The following MAGI2 variants were observed in gnomAD, a reference collection of about 807,000 sequenced individuals.
MAGI2 encodes membrane-associated guanylate kinase, WW and PDZ domain-containing protein 2.
MAGI2 carries 35 observed loss-of-function variants against 133.3 expected under a neutral mutation model. That is an observed-to-expected ratio of 0.26 (90% CI 0.20 to 0.35). The LOEUF is 0.35. Among genes scored for constraint, MAGI2 ranks in the 10% least tolerant of loss-of-function variants. MAGI2 has a pLI of 1.00. For synonymous variants in MAGI2, 729 were observed against 710.6 expected, an observed-to-expected ratio of 1.03 and a Z score of -0.41; for missense variants, 1,636 against 1,863.4, an observed-to-expected ratio of 0.88 and a Z score of 2.25.
chr7:78,053,385 G>A (rs1348985612), intron 21 of MAGI2, among the ~76,000 whole-genome samples: 1 of 152,352 alleles, frequency 6.6e-6, no homozygotes, highest in East Asian at 1.9e-4. Context: ...GTCTGAGGGT[G>A]CAGGGAATTC....
intron 6 of MAGI2, among the ~76,000 whole-genome samples, chr7:78,418,685 CCTT>C (rs1308041216): frequency 2.0e-5 from 3 of 152,094 alleles, no homozygotes; most frequent in Admixed American, 6.6e-5. Context: ...AAACCAATCT[CCTT>C]CTTTAGGGAA....
rs1804193793 is a variant in MAGI2 at position 78,975,820 on chromosome 7, A to C, written c.418+31270T>G. ...AGATGATACAAATGGTCAATATCAGAAATGAAAGAAGTTTCTTTACTACTG... is the reference window on the plus strand; with the variant it reads ...AGATGATACAAATGGTCAATATCAGCAATGAAAGAAGTTTCTTTACTACTG... On this transcript the variant is annotated intron_variant, in intron 2 of 21. Transcript: ENST00000354212. 3.3e-5 allele frequency among the ~76,000 whole-genome samples: 5 copies of C among 151,638 alleles called. No homozygotes were observed. The Admixed American group carries it at 3.3e-4, about 10-fold the overall frequency.
At chr7:78,727,258 AAGAG>A (rs1249849493) in intron 2 of MAGI2, among the ~76,000 whole-genome samples, 4 of 151,714 alleles carry the variant, frequency 2.6e-5, no homozygotes, top group Non-Finnish European at 5.9e-5. Flanking sequence ...TGTGGTATGG[AAGAG>A]AGAGAGAGAG....
chr7:78,994,452 C>T (rs2116371894), intron 2 of MAGI2, among the ~76,000 whole-genome samples: 1 of 152,140 alleles, frequency 6.6e-6, no homozygotes, highest in South Asian at 2.1e-4. Context: ...TCTTATTTAA[C>T]CCACTACCAT....
chr7:78,371,244 A>T (rs928996003), intron 6 of MAGI2, among the ~76,000 whole-genome samples: 2 of 151,976 alleles, frequency 1.3e-5, no homozygotes, highest in African/African-American at 4.8e-5. Flanking sequence ...TGCCTTTTAT[A>T]AACAGCTCAT....
chr7:78,968,721 T>C (rs1243423978), intron 2 of MAGI2, among the ~76,000 whole-genome samples: 3 of 152,074 alleles, frequency 2.0e-5, no homozygotes, highest in East Asian at 1.9e-4. Flanking sequence ...GAGATCCCCA[T>C]ACATAAAATT....
intron 1 of MAGI2, among the ~76,000 whole-genome samples, chr7:79,053,106 G>C (rs1055608054): frequency 6.6e-6 from 1 of 151,998 alleles, no homozygotes; most frequent in Non-Finnish European, 1.5e-5. Flanking sequence ...CCGAGTAGCT[G>C]GGACTACAGA....
intron 2 of MAGI2, among the ~76,000 whole-genome samples, chr7:79,005,974 T>C (rs1448202132): frequency 6.6e-6 from 1 of 152,182 alleles, no homozygotes; most frequent in Non-Finnish European, 1.5e-5. Flanking sequence ...AATGGTGTCC[T>C]GGCATTGTCG....
chr7:78,385,874 A>T (rs778372122), intron 6 of MAGI2, among the ~76,000 whole-genome samples: 2 of 152,224 alleles, frequency 1.3e-5, no homozygotes, highest in Non-Finnish European at 2.9e-5. Flanking sequence ...ATTAACACAC[A>T]TTGTAGTGGG....
chr7:78,054,183 T>C (rs1444705695), intron 21 of MAGI2, among the ~76,000 whole-genome samples: 1 of 152,184 alleles, frequency 6.6e-6, no homozygotes, highest in African/African-American at 2.4e-5. Flanking sequence ...TGGAGTGCAG[T>C]GGTGTGATCT....
intron 2 of MAGI2, among the ~76,000 whole-genome samples, chr7:78,937,441 T>G (rs962610211): frequency 6.6e-5 from 10 of 152,032 alleles, no homozygotes; most frequent in Admixed American, 3.3e-4. Flanking sequence ...CAGACAAAAA[T>G]TATTTATAGA....
At chr7:78,589,237 C>T (rs12705630) in intron 3 of MAGI2, among the ~76,000 whole-genome samples, 6,644 of 152,246 alleles carry the variant, frequency 0.044, 199 homozygotes, top group Middle Eastern at 0.071. Flanking sequence ...CACACTTACA[C>T]GGTGCTGATT....
chr7:78,290,728 C>A (rs559628280), intron 9 of MAGI2, among the ~76,000 whole-genome samples: 6 of 152,264 alleles, frequency 3.9e-5, no homozygotes, highest in Admixed American at 3.9e-4. Flanking sequence ...TGTAAAATAA[C>A]AGAAATTATA....
intron 1 of MAGI2, among the ~76,000 whole-genome samples, chr7:79,279,645 G>A (rs1410410992): frequency 2.6e-5 from 4 of 152,088 alleles, no homozygotes; most frequent in Non-Finnish European, 4.4e-5. Context: ...CTCCAGCCTC[G>A]GCAACAGAGC....
intron 1 of MAGI2, among the ~76,000 whole-genome samples, chr7:79,156,321 G>A (rs541879473): frequency 8.5e-5 from 13 of 152,178 alleles, no homozygotes; most frequent in Middle Eastern, 3.4e-3. Context: ...ATTTGCATCT[G>A]TAAAGAATCA....
At chr7:78,408,025 C>A (rs1006611240) in intron 6 of MAGI2, among the ~76,000 whole-genome samples, 1 of 152,080 alleles carries the variant, frequency 6.6e-6, no homozygotes, top group Non-Finnish European at 1.5e-5. Flanking sequence ...ACTTTTCTGC[C>A]TTAAAATGCA....
intron 15 of MAGI2, among the ~76,000 whole-genome samples, chr7:78,162,263 C>G (rs1364706684): frequency 1.3e-5 from 2 of 151,730 alleles, no homozygotes; most frequent in Non-Finnish European, 2.9e-5. Flanking sequence ...CGGTGGCTCA[C>G]GCCTGTAATC....
At chr7:78,724,601 C>T (rs1348944173) in intron 2 of MAGI2, among the ~76,000 whole-genome samples, 3 of 152,130 alleles carry the variant, frequency 2.0e-5, no homozygotes, top group Non-Finnish European at 2.9e-5. Context: ...AGTTCTATTG[C>T]TCCTGTTGAG....
intron 1 of MAGI2, among the ~76,000 whole-genome samples, chr7:79,183,284 A>G (rs948400873): frequency 6.6e-6 from 1 of 151,892 alleles, no homozygotes; most frequent in African/African-American, 2.4e-5. Flanking sequence ...TATATATATT[A>G]TGTATGCAAC....
Sources: allele counts gnomAD v4.1 joint callset (sites outside exome capture counted in the v4.1 genomes callset), GRCh38; gene constraint gnomAD v4.1.1; transcripts MANE v1.5; gene names NCBI Gene and HGNC (gene_info 2026-07-23, HGNC 2026-07-21).